Variants in STK3 observed in about 807,000 individuals in gnomAD.
The protein encoded by STK3 is serine/threonine-protein kinase 3.
In STK3, 41 loss-of-function variants were observed where a neutral mutation model predicts 58.0. The observed-to-expected ratio is 0.71, with a 90% CI of 0.55 to 0.92. The LOEUF is 0.92. Ranked by LOEUF, STK3 falls within the 40% of genes least tolerant of loss-of-function variation. The probability of loss-of-function intolerance (pLI) is 0.00; values close to 1 mark genes in which losing one functional copy is unlikely to be tolerated. For missense variants in STK3, 479 were observed against 602.7 expected (o/e 0.79, Z 2.15); for synonymous variants, 170 against 191.0 (o/e 0.89, Z 0.91).
intron 6 of STK3, among the ~76,000 whole-genome samples, chr8:98,634,447 C>T (rs944349295): frequency 6.6e-6 from 1 of 151,894 alleles, no homozygotes; most frequent in Admixed American, 6.6e-5. Flanking sequence ...TTCCAGTGAG[C>T]GGAGATCGTG....
chr8:98,411,883 C>A (rs1818061467), intron 3 of STK3, among the ~76,000 whole-genome samples: 1 of 152,158 alleles, frequency 6.6e-6, no homozygotes, highest in South Asian at 2.1e-4. Context: ...ACACAGCAGC[C>A]CCCAAACCAC....
intron 6 of STK3, among the ~76,000 whole-genome samples, chr8:98,630,691 A>AAGAAGGAGGAGAAGGAGG (rs1254831806): frequency 6.1e-5 from 9 of 146,562 alleles, no homozygotes; most frequent in East Asian, 2.0e-4. Flanking sequence ...GGAGAAGGAG[A>AAGAAGGAGGAGAAGGAGG]AGAAGGAGGA....
intron 1 of STK3, among the ~76,000 whole-genome samples, chr8:98,925,578 A>G (rs1210437618): frequency 2.0e-5 from 3 of 152,220 alleles, no homozygotes; most frequent in African/African-American, 7.2e-5. Flanking sequence ...CTTCAATGTC[A>G]GGAATAAAAA....
intron 6 of STK3, among the ~76,000 whole-genome samples, chr8:98,699,116 C>G (rs1340961252): frequency 6.6e-6 from 1 of 152,208 alleles, no homozygotes; most frequent in Admixed American, 6.5e-5. Flanking sequence ...TTCATTTCGT[C>G]TTCCATCACT....
At chr8:98,602,840 A>T (rs1434280524) in intron 6 of STK3, among the ~76,000 whole-genome samples, 1 of 151,572 alleles carries the variant, frequency 6.6e-6, no homozygotes, top group Non-Finnish European at 1.5e-5. Context: ...AGATCTGAGA[A>T]ATCAGTAAGA....
intron 3 of STK3, among the ~76,000 whole-genome samples, chr8:98,839,849 G>T (rs1835896978): frequency 1.3e-5 from 2 of 151,860 alleles, no homozygotes; most frequent in Admixed American, 6.6e-5. Context: ...ATCATCCAAG[G>T]GTTTTGAGTA....
chr8:98,733,123 C>G (rs749781170), intron 4 of STK3, among the ~76,000 whole-genome samples: 30 of 152,222 alleles, frequency 2.0e-4, no homozygotes, highest in Non-Finnish European at 3.7e-4. Flanking sequence ...TCTTTGCCCT[C>G]TCTTCTCTGA....
At chr8:98,894,228 G>A (rs929294177) in intron 1 of STK3, among the ~76,000 whole-genome samples, 1 of 151,970 alleles carries the variant, frequency 6.6e-6, no homozygotes, top group Non-Finnish European at 1.5e-5. Flanking sequence ...CATCCACCTT[G>A]ACCTCATAAA....
intron 4 of STK3, among the ~76,000 whole-genome samples, chr8:98,716,129 T>A (rs1451994465): frequency 2.6e-5 from 4 of 151,988 alleles, no homozygotes; most frequent in African/African-American, 9.7e-5. Flanking sequence ...CACCGGGGCC[T>A]GTTGTGGGGT....
At chr8:98,614,303 AAAGAACTGAACAG>A (rs1817465244) in intron 6 of STK3, among the ~76,000 whole-genome samples, 1 of 152,220 alleles carries the variant, frequency 6.6e-6, no homozygotes, top group African/African-American at 2.4e-5. Context: ...AACAAATTTT[AAAGAACTGAACAG>A]AGTAGAGTCT....
intron 6 of STK3, among the ~76,000 whole-genome samples, chr8:98,674,450 G>C (rs1823051752): frequency 6.6e-6 from 1 of 152,000 alleles, no homozygotes; most frequent in Non-Finnish European, 1.5e-5. Flanking sequence ...ATCAGCCTGG[G>C]GAAAGCAAAT....
chr8:98,927,242 C>T (rs1322676695), intron 1 of STK3, among the ~76,000 whole-genome samples: 1 of 152,206 alleles, frequency 6.6e-6, no homozygotes, highest in Non-Finnish European at 1.5e-5. Context: ...GGCTACCTGT[C>T]TTGTTCAGGG....
intron 1 of STK3, chr8:98,906,171 T>C (rs1259471162): frequency 6.5e-6 from 1 of 152,800 alleles, no homozygotes; most frequent in African/African-American, 2.4e-5. Flanking sequence ...CACATTTCTA[T>C]AGAAGCTACA....
At chr8:98,614,068 G>A (rs1817439014) in intron 6 of STK3, among the ~76,000 whole-genome samples, 1 of 151,956 alleles carries the variant, frequency 6.6e-6, no homozygotes, top group Non-Finnish European at 1.5e-5. Flanking sequence ...CTTGAAAGGA[G>A]AAATAGATAA....
At chr8:98,813,261 G>A (rs965902282) in intron 1 of STK3, among the ~76,000 whole-genome samples, 1 of 152,174 alleles carries the variant, frequency 6.6e-6, no homozygotes, top group Non-Finnish European at 1.5e-5. Context: ...TCAGTAAATG[G>A]CAGAGCTGAG....
intron 2 of STK3, among the ~76,000 whole-genome samples, 186 bp downstream of exon 2, chr8:98,774,553 G>GA (rs869148859): frequency 6.6e-5 from 10 of 151,904 alleles, no homozygotes; most frequent in African/African-American, 2.2e-4. Flanking sequence ...TACTTTCTCT[G>GA]AAAAAACACT....
chr8:98,878,666 C>A lies in STK3; in HGVS notation c.110+4981G>T, dbSNP rs564947000. On this transcript the variant is annotated intron_variant, in intron 3 of 12. Coordinates refer to the STK3 transcript ENST00000523601. ...CGTGTGTCAGGGATAAGAACACCTT[C>A]CCCTTTCTTGTCCAGTGTGCGCTCA... 1.1e-4 allele frequency among the ~76,000 whole-genome samples: 16 copies of A among 152,272 alleles called. No homozygotes were observed. The East Asian group carries it at 2.9e-3, about 28-fold the overall frequency.
At chr8:98,741,380 A>G (rs538629077) in intron 4 of STK3, among the ~76,000 whole-genome samples, 56 of 152,328 alleles carry the variant, frequency 3.7e-4, no homozygotes, top group African/African-American at 1.3e-3. Flanking sequence ...AAGATCAGAA[A>G]TTATAACAAA....
chr8:98,824,025 C>T (rs909542691), intron 1 of STK3, among the ~76,000 whole-genome samples: 7 of 152,118 alleles, frequency 4.6e-5, no homozygotes, highest in African/African-American at 1.4e-4. Context: ...AGGATTAATG[C>T]CTATAATCCA....
Sources: gnomAD v4.1 joint callset for allele counts (sites outside exome capture counted in the v4.1 genomes callset) on GRCh38, gnomAD v4.1.1 for gene constraint, MANE v1.5 for transcripts, NCBI Gene and HGNC (gene_info 2026-07-23, HGNC 2026-07-21) for gene names.